ZBTB20: variants seen among roughly 807,000 people sequenced by gnomAD.
The protein encoded by ZBTB20 is zinc finger and BTB domain containing 20.
Under a neutral mutation model 56.9 loss-of-function variants are expected in ZBTB20, and 9 were observed. The ratio of observed to expected loss-of-function variants is 0.16; its 90% CI spans 0.10 to 0.28. ZBTB20 has a LOEUF of 0.28. Ranked by LOEUF, ZBTB20 falls within the 10% of genes least tolerant of loss-of-function variation. The pLI is 1.00. For missense variants in ZBTB20, 655 were observed against 1,003.0 expected, an observed-to-expected ratio of 0.65 and a Z score of 4.69; for synonymous variants, 417 against 420.7, an observed-to-expected ratio of 0.99 and a Z score of 0.11.
chr3:114,987,839 A>C (rs780353363), intron 2 of ZBTB20, among the ~76,000 whole-genome samples: 5 of 152,150 alleles, frequency 3.3e-5, no homozygotes, highest in African/African-American at 4.8e-5. Flanking sequence ...GTTTAGCTAC[A>C]TGTAGAAGTC....
intron 4 of ZBTB20, among the ~76,000 whole-genome samples, chr3:114,890,788 CACAGAGTTT>C (rs2076778604): frequency 6.6e-6 from 1 of 152,116 alleles, no homozygotes; most frequent in Admixed American, 6.6e-5. Flanking sequence ...TATCACATTT[CACAGAGTTT>C]ACAGTCTGGC....
chr3:114,606,941 T>C (rs1034162452), intron 6 of ZBTB20, among the ~76,000 whole-genome samples: 3 of 151,634 alleles, frequency 2.0e-5, no homozygotes. Flanking sequence ...ACTAAAAAAA[T>C]ACAAAAATTA....
rs372402275 is a variant in ZBTB20 at position 114,455,053 on chromosome 3, A to G, written c.-255+45299T>C. On this transcript the variant is annotated intron_variant, in intron 7 of 11. Transcript: ENST00000675478. ...AGGAAGAGAGAGGGGGAAGAGAGAG[A>G]GGGGGGGGAGAGAGAGAGAGAGAGG... Among the ~76,000 whole-genome samples, 132 of 113,998 alleles carry G rather than the reference A, an allele frequency of 1.2e-3. 1 individual carries two copies. Among genetic ancestry groups the G allele is most frequent in the South Asian group, 4.9e-3 (15 of 3,046 alleles). 74.8% of individuals were successfully genotyped at this position (113,998 alleles called of 152,430 possible). A position where few individuals can be genotyped will look rare whatever the true frequency, so the allele number is the denominator to read the frequency against.
chr3:114,380,481 T>C, intron 9 of ZBTB20, 77 bp from the exon 10 acceptor site: 2 of 1,432,846 alleles, frequency 1.4e-6, no homozygotes, highest in Middle Eastern at 2.0e-4. Flanking sequence ...CTGTTAAAGA[T>C]AACTTGATTT....
intron 5 of ZBTB20, among the ~76,000 whole-genome samples, chr3:114,731,026 C>G (rs2108540326): frequency 6.6e-6 from 1 of 152,256 alleles, no homozygotes; most frequent in East Asian, 1.9e-4. Flanking sequence ...AAGGCTGCTA[C>G]AAAGTTAGTG....
At chr3:114,973,329 G>C (rs957376062) in intron 3 of ZBTB20, among the ~76,000 whole-genome samples, 2 of 152,094 alleles carry the variant, frequency 1.3e-5, no homozygotes, top group African/African-American at 4.8e-5. Flanking sequence ...TCCTTAAAAG[G>C]TTAAAATTAG....
intron 1 of ZBTB20, among the ~76,000 whole-genome samples, chr3:115,125,790 T>C (rs1354888586): frequency 1.3e-5 from 2 of 152,176 alleles, no homozygotes; most frequent in Non-Finnish European, 2.9e-5. Context: ...TGTAAATGTA[T>C]TCTAAAATAA....
At chr3:114,700,813 C>T (rs2063344059) in intron 5 of ZBTB20, among the ~76,000 whole-genome samples, 1 of 152,120 alleles carries the variant, frequency 6.6e-6, no homozygotes, top group Admixed American at 6.6e-5. Flanking sequence ...CTGCCAAAAT[C>T]ATTGTAATTA....
At chr3:114,469,607 A>G (rs1011557222) in intron 7 of ZBTB20, among the ~76,000 whole-genome samples, 12 of 152,214 alleles carry the variant, frequency 7.9e-5, no homozygotes, top group African/African-American at 2.7e-4. Context: ...TGTTCTTAAC[A>G]GATTTTGGTT....
intron 2 of ZBTB20, among the ~76,000 whole-genome samples, chr3:115,037,684 T>C (rs1234410863): frequency 1.3e-5 from 2 of 152,208 alleles, no homozygotes; most frequent in Non-Finnish European, 2.9e-5. Context: ...GAAGCTAAAA[T>C]GTTCCAAAGC....
At chr3:114,399,124 T>C (rs1217708413) in intron 7 of ZBTB20, among the ~76,000 whole-genome samples, 4 of 152,168 alleles carry the variant, frequency 2.6e-5, no homozygotes, top group Non-Finnish European at 5.9e-5. Flanking sequence ...GAATTTTTAG[T>C]GGGCCTACGA....
At chr3:114,495,486 C>T (rs1010529362) in intron 7 of ZBTB20, among the ~76,000 whole-genome samples, 1 of 152,220 alleles carries the variant, frequency 6.6e-6, no homozygotes, top group Non-Finnish European at 1.5e-5. Flanking sequence ...CAGTCTCTCT[C>T]TCTCTTACAT....
In ZBTB20 at chr3:115,017,595, G is replaced by T. The variant is rs114127586; in HGVS notation, c.-506-43179C>A. Reference sequence around the variant, plus strand: ...AGATCAAAAAAAATGCTGTCACAGAGAGATGTGAATTGAACTACCTATTGA... The same window carrying T: ...AGATCAAAAAAAATGCTGTCACAGATAGATGTGAATTGAACTACCTATTGA... On this transcript the variant is annotated intron_variant, in intron 2 of 11. Coordinates refer to ENST00000675478, the MANE Select transcript of ZBTB20 (RefSeq NM_001348800.3). 2.4e-3 allele frequency among the ~76,000 whole-genome samples: 357 copies of T among 151,606 alleles called. 2 individuals are homozygous for T. Among genetic ancestry groups the T allele is most frequent in the African/African-American group, 8.5e-3 (351 of 41,438 alleles).
chr3:114,547,719 A>G (rs187636599), intron 6 of ZBTB20, among the ~76,000 whole-genome samples: 118 of 152,332 alleles, frequency 7.7e-4, no homozygotes, highest in African/African-American at 2.8e-3. Flanking sequence ...CTTTCAATTG[A>G]AATCTTTATT....
At chr3:114,451,837 T>C (rs1329132926) in intron 7 of ZBTB20, among the ~76,000 whole-genome samples, 1 of 152,102 alleles carries the variant, frequency 6.6e-6, no homozygotes, top group Non-Finnish European at 1.5e-5. Context: ...CTATTTTTTT[T>C]CCCTTTTCTC....
chr3:114,797,226 TA>T (rs1301912147), intron 5 of ZBTB20, among the ~76,000 whole-genome samples: 2 of 151,668 alleles, frequency 1.3e-5, no homozygotes, highest in Non-Finnish European at 2.9e-5. Flanking sequence ...CTTTAAAAAA[TA>T]TTTATTTTCC....
chr3:114,891,463 C>T (rs765614413), intron 4 of ZBTB20, among the ~76,000 whole-genome samples: 1 of 152,206 alleles, frequency 6.6e-6, no homozygotes, highest in Non-Finnish European at 1.5e-5. Flanking sequence ...TGCCTTGAAA[C>T]ATAGGCATTT....
chr3:114,357,059 G>T (rs2081329227), intron 10 of ZBTB20: 1 of 152,150 alleles, frequency 6.6e-6, no homozygotes, highest in African/African-American at 2.4e-5. Context: ...ACTAGGGAGG[G>T]TCATCAGCCT....
At chr3:114,598,511 T>C (rs1259391350) in intron 6 of ZBTB20, among the ~76,000 whole-genome samples, 3 of 152,038 alleles carry the variant, frequency 2.0e-5, no homozygotes, top group South Asian at 4.1e-4. Context: ...CACATATTTA[T>C]GATAGATAGG....
Sources: allele counts gnomAD v4.1 joint callset (sites outside exome capture counted in the v4.1 genomes callset), GRCh38; gene constraint gnomAD v4.1.1; transcripts MANE v1.5; gene names NCBI Gene and HGNC (gene_info 2026-07-23, HGNC 2026-07-21).